Variants in MICU1 observed in about 807,000 individuals in gnomAD.
MICU1 encodes calcium uptake protein 1, mitochondrial.
A neutral mutation model predicts 56.8 loss-of-function variants in MICU1; 45 were observed. The ratio of observed to expected loss-of-function variants is 0.79; its 90% CI spans 0.62 to 1.02. The LOEUF (loss-of-function observed/expected upper bound fraction) is 1.02, where lower values mean the gene tolerates loss of function less well. Ranked by LOEUF, MICU1 falls within the 50% of genes least tolerant of loss-of-function variation. The pLI is 0.00. For synonymous variants in MICU1, 186 were observed against 195.1 expected, an observed-to-expected ratio of 0.95 and a Z score of 0.39; for missense variants, 504 against 587.1, an observed-to-expected ratio of 0.86 and a Z score of 1.46.
At chr10:72,575,574 T>C (rs1840719953) in intron 1 of MICU1, among the ~76,000 whole-genome samples, 3 of 152,208 alleles carry the variant, frequency 2.0e-5, no homozygotes, top group Admixed American at 2.0e-4. Context: ...ACACATACTT[T>C]GTGTTTCTGT....
intron 1 of MICU1, among the ~76,000 whole-genome samples, chr10:72,584,322 A>G (rs989193020): frequency 6.6e-6 from 1 of 152,204 alleles, no homozygotes; most frequent in Non-Finnish European, 1.5e-5. Flanking sequence ...ACTGCACAGA[A>G]AAACAAAATA....
intron 4 of MICU1, among the ~76,000 whole-genome samples, chr10:72,537,574 T>G (rs1839667301): frequency 6.6e-6 from 1 of 152,208 alleles, no homozygotes; most frequent in African/African-American, 2.4e-5. Context: ...TCATTTAATT[T>G]AATGCTCATA....
chr10:72,510,701 T>C (rs1000900000), intron 5 of MICU1, among the ~76,000 whole-genome samples: 10 of 151,026 alleles, frequency 6.6e-5, no homozygotes, highest in Admixed American at 5.2e-4. Context: ...TGGAATGCAG[T>C]GGCGTGATCT....
intron 1 of MICU1, among the ~76,000 whole-genome samples, chr10:72,573,460 G>A (rs1840667554): frequency 6.6e-6 from 1 of 152,086 alleles, no homozygotes; most frequent in African/African-American, 2.4e-5. Flanking sequence ...AGTGGTGCTG[G>A]TGGGAGTTGG....
intron 5 of MICU1, among the ~76,000 whole-genome samples, chr10:72,523,283 T>C (rs1469368205): frequency 6.6e-6 from 1 of 152,220 alleles, no homozygotes; most frequent in Non-Finnish European, 1.5e-5. Flanking sequence ...CAGGTGTTAG[T>C]ATCTCATCTG....
intron 6 of MICU1, among the ~76,000 whole-genome samples, chr10:72,501,512 A>G (rs1210598527): frequency 1.3e-5 from 2 of 152,100 alleles, no homozygotes; most frequent in Non-Finnish European, 2.9e-5. Flanking sequence ...CTTAATATAG[A>G]TATGTCTGTA....
At chr10:72,454,037 T>C (rs560964445) in intron 8 of MICU1, among the ~76,000 whole-genome samples, 19 of 151,830 alleles carry the variant, frequency 1.3e-4, no homozygotes, top group African/African-American at 4.3e-4. Flanking sequence ...GATTTCGCCA[T>C]GTTGGCCAGG....
intron 9 of MICU1, among the ~76,000 whole-genome samples, chr10:72,417,441 A>G (rs12358554): frequency 0.56 from 83,547 of 148,218 alleles, 24,527 homozygotes; most frequent in Middle Eastern, 0.65. Flanking sequence ...ACAACAGAGC[A>G]AGACTCCGTC....
intron 1 of MICU1, among the ~76,000 whole-genome samples, chr10:72,599,715 T>C (rs1187966792): frequency 6.6e-6 from 1 of 152,086 alleles, no homozygotes; most frequent in Non-Finnish European, 1.5e-5. Context: ...CTGCCTTCTT[T>C]CTTCCTTCCT....
chr10:72,557,419 T>C (rs1002373836), intron 3 of MICU1, among the ~76,000 whole-genome samples: 8 of 152,158 alleles, frequency 5.3e-5, no homozygotes, highest in African/African-American at 1.9e-4. Flanking sequence ...ATTACTCCCA[T>C]TCACTGGACA....
chr10:72,370,346 T>C (rs1353001131), intron 11 of MICU1, among the ~76,000 whole-genome samples: 1 of 152,108 alleles, frequency 6.6e-6, no homozygotes, highest in African/African-American at 2.4e-5. Flanking sequence ...CTACCTCTAC[T>C]CATGATTGGT....
In MICU1 at chr10:72,408,049, G is replaced by A. The variant is rs1250077892; in HGVS notation, c.1072-12C>T. 1.3e-6 allele frequency: 2 copies of A among 1,584,120 alleles called. No individual in the cohort carries two copies. Among genetic ancestry groups the A allele is most frequent in the African/African-American group, 2.7e-5 (2 of 74,268 alleles). ...TGAAATGTCAGACCCTGCAAGAGGA[G>A]AGACAGCAAGGTAAGGCAGGACCTG... On this transcript the variant is annotated splice_polypyrimidine_tract_variant and intron_variant, in intron 9 of 11. Transcript: ENST00000361114.
intron 1 of MICU1, 102 bp downstream of exon 1, chr10:72,625,908 C>G (rs1842217312): frequency 6.5e-6 from 1 of 153,088 alleles, no homozygotes; most frequent in African/African-American, 2.4e-5. Flanking sequence ...GACAAACGGC[C>G]AGCCACGAAG....
chr10:72,574,923 C>T (rs1190177992), intron 1 of MICU1, among the ~76,000 whole-genome samples: 1 of 151,748 alleles, frequency 6.6e-6, no homozygotes, highest in Non-Finnish European at 1.5e-5. Context: ...GACAAGTGCG[C>T]TCAAAAAAAG....
intron 8 of MICU1, among the ~76,000 whole-genome samples, chr10:72,466,650 C>G (rs143704066): frequency 6.6e-6 from 1 of 152,166 alleles, no homozygotes; most frequent in Non-Finnish European, 1.5e-5. Flanking sequence ...ACAAAACCAA[C>G]AAAACTGGGC....
intron 9 of MICU1, among the ~76,000 whole-genome samples, chr10:72,414,995 T>TG (rs1261835474): frequency 1.3e-5 from 2 of 151,054 alleles, no homozygotes; most frequent in African/African-American, 2.4e-5. Flanking sequence ...ATGTATCCTC[T>TG]GCTCAATCTC....
intron 1 of MICU1, among the ~76,000 whole-genome samples, chr10:72,620,011 G>A (rs1446921604): frequency 6.6e-6 from 1 of 151,798 alleles, no homozygotes. Flanking sequence ...TTATTAGGAT[G>A]GTAGGCAAAG....
chr10:72,423,811 C>T (rs776480839), intron 8 of MICU1, among the ~76,000 whole-genome samples: 1 of 152,118 alleles, frequency 6.6e-6, no homozygotes, highest in Admixed American at 6.6e-5. Flanking sequence ...ATATTGATTA[C>T]TCTTCTAAAA....
At chr10:72,467,860 CCTGGAGTGCAATGGCATGAGA>C (rs1865840775) in intron 8 of MICU1, 1 of 151,058 alleles carries the variant, frequency 6.6e-6, no homozygotes, top group East Asian at 1.9e-4. Flanking sequence ...CTCTTGTCGC[CCTGGAGTGCAATGGCATGAGA>C]CTGGAGTGCA....
Sources: allele counts gnomAD v4.1 joint callset (sites outside exome capture counted in the v4.1 genomes callset), GRCh38; gene constraint gnomAD v4.1.1; transcripts MANE v1.5; gene names NCBI Gene and HGNC (gene_info 2026-07-23, HGNC 2026-07-21).